Variants in ADAMTSL2 observed in about 807,000 individuals in gnomAD.
ADAMTSL2 encodes ADAMTS-like protein 2.
ADAMTSL2 carries 55 observed loss-of-function variants against 117.0 expected under a neutral mutation model. The ratio of observed to expected loss-of-function variants is 0.47; its 90% confidence interval spans 0.38 to 0.59. ADAMTSL2 has a LOEUF of 0.59. Ranked by LOEUF, ADAMTSL2 falls within the 20% of genes least tolerant of loss-of-function variation. The pLI, the probability that ADAMTSL2 is intolerant of heterozygous loss-of-function variation, is 0.00. For missense variants in ADAMTSL2, 1,182 were observed against 1,354.5 expected, an observed-to-expected ratio of 0.87 and a Z score of 2.00; for synonymous variants, 572 against 566.4, an observed-to-expected ratio of 1.01 and a Z score of -0.14.
At chr9:133,549,615 C>T (rs1830436772) in intron 9 of ADAMTSL2, among the ~76,000 whole-genome samples, 1 of 144,138 alleles carries the variant, frequency 6.9e-6, no homozygotes, top group South Asian at 2.3e-4. Context: ...GAACTCTAGG[C>T]CTCAGGTAAC....
intron 4 of ADAMTSL2, among the ~76,000 whole-genome samples, chr9:133,539,064 G>A (rs1830126601): frequency 6.6e-6 from 1 of 152,190 alleles, no homozygotes; most frequent in Admixed American, 6.5e-5. Flanking sequence ...AGAGCAGCTG[G>A]GGGTCTCTGT....
intron 9 of ADAMTSL2, among the ~76,000 whole-genome samples, chr9:133,550,015 G>A (rs1208135981): frequency 6.6e-6 from 1 of 152,214 alleles, no homozygotes; most frequent in Admixed American, 6.5e-5. Context: ...CAGGGCCAGA[G>A]GGTATGAGAC....
chr9:133,567,510 T>C lies in ADAMTSL2; in HGVS notation c.1874+448T>C, dbSNP rs1393301667. Among the ~76,000 whole-genome samples the C allele has an allele frequency of 2.0e-5, 3 of 152,324 alleles. No homozygotes were observed. In the East Asian group the frequency reaches 5.8e-4, roughly 29 times the overall value. On this transcript the variant is annotated intron_variant, in intron 13 of 18. Transcript: ENST00000651351. ...CCTTGTGGATGCAGTCAGTCTGAGC[T>C]GAGTGCATCCTACACCTAGTGACAA... is the stretch of plus-strand genomic sequence containing the variant.
chr9:133,554,269 G>T lies in ADAMTSL2; in HGVS notation c.940-88G>T, dbSNP rs1366336312. 1.6e-6 allele frequency: 2 copies of T among 1,229,146 alleles called. No homozygotes were observed. Among genetic ancestry groups the T allele is most frequent in the Non-Finnish European group, 2.3e-6 (2 of 888,682 alleles). The allele number at this position is 1,229,146 out of a possible 1,614,324, so 76.1% of individuals were successfully genotyped here. A position where few individuals can be genotyped will look rare whatever the true frequency, so the allele number is the denominator to read the frequency against. ...TCAACTGCCAGTCACAGCAGGGAAC[G>T]CACCCTGCAGCTCTGTGGGAAGGGG... On this transcript the variant is annotated intron_variant, in intron 9 of 18. Coordinates refer to ENST00000651351, the MANE Select transcript of ADAMTSL2 (RefSeq NM_014694.4). This position sits in a 1 kb window ranked among gnomAD's most constrained non-coding sequence, Gnocchi z 5.2.
At chr9:133,559,640 C>T (rs1161927630) in intron 11 of ADAMTSL2, among the ~76,000 whole-genome samples, 3 of 151,818 alleles carry the variant, frequency 2.0e-5, no homozygotes, top group African/African-American at 7.2e-5. Context: ...GCAAGAGTCA[C>T]TGCGCCTGGC....
chr9:133,543,080 C>T (rs899710713), intron 7 of ADAMTSL2, among the ~76,000 whole-genome samples: 3 of 151,740 alleles, frequency 2.0e-5, no homozygotes, highest in Non-Finnish European at 2.9e-5. Flanking sequence ...TCTCAAGTAG[C>T]GGGGATTACA....
rs2131137855 is a variant in ADAMTSL2, at chr9:133,554,397, A to C, written c.980A>C (p.Glu327Ala). The C allele has an allele frequency of 1.9e-6, 3 of 1,563,416 alleles. No individual in the cohort carries two copies. In the East Asian group the frequency reaches 7.0e-5, roughly 36 times the overall value. The change falls in exon 10 of 19, where the codon GAG becomes GCG. Residue 327 changes from glutamate to alanine, a missense_variant. Coordinates refer to ENST00000651351, the MANE Select transcript of ADAMTSL2 (RefSeq NM_014694.4). This position sits in a 1 kb window ranked among gnomAD's most constrained non-coding sequence, Gnocchi z 5.2. ...GGCAAAAGCCCCTCCATCACCTTCG[A>C]GTACACGCTGCTGCAGCCGCCACAC... ...QNGKSPSITFEYTLLQPPHES... is the reference protein window; with the variant it reads ...QNGKSPSITFAYTLLQPPHES...
chr9:133,553,776 G>A (rs1237159621), intron 9 of ADAMTSL2, among the ~76,000 whole-genome samples: 1 of 152,200 alleles, frequency 6.6e-6, no homozygotes, highest in Non-Finnish European at 1.5e-5. Context: ...GGGGCAGCAG[G>A]GGTCTGTGGA....
intron 7 of ADAMTSL2, 27 bp from the exon 8 acceptor site, chr9:133,544,443 G>A: frequency 6.3e-7 from 1 of 1,588,042 alleles, no homozygotes; most frequent in Admixed American, 1.7e-5. Flanking sequence ...AATCAAGAGG[G>A]GCTCACTGTC....
chr9:133,547,317 C>A, intron 9 of ADAMTSL2, 104 bp downstream of exon 9: 1 of 1,197,774 alleles, frequency 8.3e-7, no homozygotes, highest in Non-Finnish European at 1.2e-6. Context: ...CCCAGGGCCA[C>A]TGTGCGCGTG....
Position 133,544,282 on chromosome 9 carries a change from G to C in ADAMTSL2, c.683-188G>C, listed in dbSNP as rs28435854. Among the ~76,000 whole-genome samples, 75,662 of 151,888 alleles carry C rather than the reference G, an allele frequency of 0.5. 19,682 individuals carry two copies. The highest frequency in any genetic ancestry group is 0.54 in the Non-Finnish European group (36,743 of 67,874). ...TGGTAGGAAGGGGTGAGCCTGGGCA[G>C]GTGCCCAGCTTGGTGAGTCAGCCTC... On this transcript the variant is annotated intron_variant, in intron 7 of 18. Coordinates refer to ENST00000651351, the MANE Select transcript of ADAMTSL2 (RefSeq NM_014694.4).
At chr9:133,571,057 C>T (rs374484479) in intron 17 of ADAMTSL2, among the ~76,000 whole-genome samples, 9 of 152,292 alleles carry the variant, frequency 5.9e-5, no homozygotes, top group African/African-American at 1.9e-4. Flanking sequence ...AATGCCCCAG[C>T]GTCAGGATGT....
intron 16 of ADAMTSL2, among the ~76,000 whole-genome samples, chr9:133,569,902 C>T (rs1167482421): frequency 1.3e-5 from 2 of 152,204 alleles, no homozygotes; most frequent in African/African-American, 2.4e-5. Flanking sequence ...GGCCCAGGGG[C>T]CTTTGCGACC....
chr9:133,558,322 A>G lies in ADAMTSL2; in HGVS notation c.1649+2392A>G, dbSNP rs1377942000. On this transcript the variant is annotated intron_variant, in intron 11 of 18. Transcript: ENST00000651351. The surrounding 1 kb of genome is among the most constrained non-coding windows in gnomAD (Gnocchi z 4.3). ...GGCGGCGGGGGAAACCACCAGGCCA[A>G]AATAGCCACGTCTCGGCCGAGTTGT... Among the ~76,000 whole-genome samples, 1 of 152,206 alleles carries G rather than the reference A, an allele frequency of 6.6e-6. No homozygotes were observed. Among genetic ancestry groups the G allele is most frequent in the African/African-American group, 2.4e-5 (1 of 41,458 alleles).
chr9:133,540,016 T>C (rs1830173121), intron 5 of ADAMTSL2, 143 bp downstream of exon 5: 7 of 785,438 alleles, frequency 8.9e-6, no homozygotes, highest in Admixed American at 4.0e-5. Flanking sequence ...TGAACCTGGG[T>C]CTCCTGAGCC....
chr9:133,542,327 C>A (rs117521916), intron 7 of ADAMTSL2, among the ~76,000 whole-genome samples: 2,742 of 152,314 alleles, frequency 0.018, 40 homozygotes, highest in Middle Eastern at 0.051. Flanking sequence ...TTGGAGGCCT[C>A]GCTCTAGGAG....
rs1042344198 is a variant in ADAMTSL2 at position 133,553,325 on chromosome 9, C to G, written c.940-1032C>G. The stretch of plus-strand genomic sequence containing the variant: ...CTAGCAGAGTTGGGAAGAGCACGCT[C>G]TCTGCTCCTTGGAGGTGCCTCTGCC... On this transcript the variant is annotated intron_variant, in intron 9 of 18. Coordinates refer to ENST00000651351, the MANE Select transcript of ADAMTSL2 (RefSeq NM_014694.4). Among the ~76,000 whole-genome samples the G allele has an allele frequency of 7.6e-4, 116 of 152,250 alleles. 1 individual carries two copies. The highest frequency in any genetic ancestry group is 1.5e-3 in the Non-Finnish European group (103 of 68,002).
chr9:133,538,506 C>T, intron 4 of ADAMTSL2, 82 bp downstream of exon 4: 1 of 1,426,222 alleles, frequency 7.0e-7, no homozygotes. Flanking sequence ...CAGGTGGCTC[C>T]TGGGCATTCT....
chr9:133,569,474 G>T lies in ADAMTSL2; in HGVS notation c.2311G>T (p.Val771Leu). The T allele has an allele frequency of 6.2e-7, 1 of 1,613,582 alleles. No homozygotes were observed. Among genetic ancestry groups the T allele is most frequent in the Non-Finnish European group, 8.5e-7 (1 of 1,179,978 alleles). Residue 771 changes from valine to leucine, a missense_variant, in exon 16 of 19, where the codon GTA becomes TTA. Around this residue, in one of 3 missense-constraint regions of ADAMTSL2, gnomAD observed 465 missense variants for 565.3 expected, o/e 0.82. Coordinates refer to ENST00000651351, the MANE Select transcript of ADAMTSL2 (RefSeq NM_014694.4). ...HVYCKTSDGR[V>L]VPESQCQMET... Reference sequence around the variant, plus strand: ...GTACTGCAAGACCAGCGACGGACGGGTAGTACCTGAGTCCCAGTGCCAGAT... The same window carrying T: ...GTACTGCAAGACCAGCGACGGACGGTTAGTACCTGAGTCCCAGTGCCAGAT...
Sources: allele counts gnomAD v4.1 joint callset (sites outside exome capture counted in the v4.1 genomes callset), GRCh38; gene constraint gnomAD v4.1.1; regional missense constraint gnomAD v4.1.1; non-coding constraint Gnocchi (gnomAD v3.1); transcripts MANE v1.5; gene names NCBI Gene and HGNC (gene_info 2026-07-23, HGNC 2026-07-21).